Variants in GALNS observed in about 807,000 individuals in gnomAD.
The protein encoded by GALNS is N-acetylgalactosamine-6-sulfatase.
In GALNS, 65 loss-of-function variants were observed where a neutral mutation model predicts 65.9. The observed-to-expected ratio is 0.99, with a 90% confidence interval of 0.81 to 1.21. The LOEUF is 1.21. Among genes scored for constraint, GALNS ranks in the 50% most tolerant of loss-of-function variants. GALNS has a pLI of 0.00. For missense variants in GALNS, 776 were observed against 700.7 expected, an observed-to-expected ratio of 1.11 and a Z score of -1.21; for synonymous variants, 346 against 288.9, an observed-to-expected ratio of 1.20 and a Z score of -2.00.
rs1909825123 is a variant in GALNS, at chr16:88,818,071, T to C, written c.1418A>G (p.Gln473Arg). 1.3e-6 allele frequency: 2 copies of C among 1,575,802 alleles called. No homozygotes were observed. The highest frequency in any genetic ancestry group is 2.3e-5 in the East Asian group (1 of 43,570). Residue 473 changes from glutamine (Q) to arginine (R), a missense_variant, in exon 13 of 14, where the codon CAG (glutamine) becomes CGG (arginine). By Grantham distance (43) the Gln-to-Arg change is conservative. Coordinates refer to ENST00000268695, the MANE Select transcript of GALNS (RefSeq NM_000512.5). ...EALSRITSVV[Q>R]QHQEALVPAQ... ...GGGGACCAAGGCCTCCTGGTGCTGC[T>C]GGACGACCGAGGTGATCCTGCTGAG...
In GALNS at chr16:88,822,643, T is replaced by C; in HGVS notation, c.1310A>G (p.Lys437Arg). Reference sequence around the variant, plus strand: ...TCCCAGGTGGAAGATCAGGGGCAGCTTCGTGTGGTCTTCCAGATTGTGAGT... The same window carrying C: ...TCCCAGGTGGAAGATCAGGGGCAGCCTCGTGTGGTCTTCCAGATTGTGAGT... ...VTTHNLEDHT[K>R]LPLIFHLGRD... is the part of the protein sequence containing the mutation. The change falls in exon 12 of 14, where the codon AAG becomes AGG. Residue 437 changes from lysine to arginine, a missense_variant. By Grantham distance (26) the Lys-to-Arg change is conservative. Coordinates refer to ENST00000268695, the MANE Select transcript of GALNS (RefSeq NM_000512.5). 1 of 1,613,160 alleles carries C rather than the reference T, an allele frequency of 6.2e-7. No homozygotes were observed. The highest frequency in any genetic ancestry group is 1.3e-5 in the African/African-American group (1 of 75,034).
chr16:88,817,095 C>G (rs2142978738), intron 13 of GALNS: 1 of 985,458 alleles, frequency 1.0e-6, no homozygotes, highest in Non-Finnish European at 1.2e-6. Context: ...CCTGCTGGGA[C>G]CCACATCAGC....
At chr16:88,829,975 G>A (rs1343437778) in intron 9 of GALNS, among the ~76,000 whole-genome samples, 1 of 152,188 alleles carries the variant, frequency 6.6e-6, no homozygotes, top group Non-Finnish European at 1.5e-5. Flanking sequence ...GCTCACGCCT[G>A]TAATCCCAAC....
intron 13 of GALNS, chr16:88,817,142 G>T: frequency 1.0e-6 from 1 of 985,478 alleles, no homozygotes; most frequent in South Asian, 4.7e-5. Flanking sequence ...CACTGCACAC[G>T]CGGGATGGCT....
chr16:88,836,353 C>G lies in GALNS; in HGVS notation c.567-86G>C, dbSNP rs767850664. 4.6e-5 allele frequency: 52 copies of G among 1,123,712 alleles called. No homozygotes were observed. In the Middle Eastern group the frequency reaches 7.7e-4, roughly 17 times the overall value. 69.6% of individuals were successfully genotyped at this position (1,123,712 alleles called of 1,614,324 possible). ...CTGATTTCACCAGCAAAGCCATGGG[C>G]TTCATTTAAAAGAAGGCTAGGGCTG... On this transcript the variant is annotated intron_variant, in intron 5 of 13. Coordinates refer to ENST00000268695, the MANE Select transcript of GALNS (RefSeq NM_000512.5).
At chr16:88,837,322 C>T (rs912674573) in intron 5 of GALNS, among the ~76,000 whole-genome samples, 2 of 152,188 alleles carry the variant, frequency 1.3e-5, no homozygotes, top group African/African-American at 2.4e-5. Flanking sequence ...ATGGGCAGTA[C>T]CCTGACAGCT....
intron 13 of GALNS, chr16:88,815,250 A>G (rs1017154200): frequency 2.1e-5 from 21 of 985,288 alleles, no homozygotes; most frequent in African/African-American, 1.7e-4. Context: ...GGTATGGGGG[A>G]TGCAGCTGCC....
rs780974039 is a variant in GALNS at position 88,832,049 on chromosome 16, C to T, written c.951G>A (p.Gly317=). Residue 317 remains glycine (G), a synonymous_variant, in exon 9 of 14, where the codon GGG becomes GGA. Transcript: ENST00000268695. ...ACCATGCGAGGGCAGGCTCCCTCATCCCTCCTTCAAACGTGGTCTGCTTCC... is the reference window on the plus strand; with the variant it reads ...ACCATGCGAGGGCAGGCTCCCTCATTCCTCCTTCAAACGTGGTCTGCTTCC... ...LCGKQTTFEG[G]MREPALAWWP... The T allele has an allele frequency of 4.3e-6, 7 of 1,613,776 alleles. No individual in the cohort carries two copies. In the African/African-American group the frequency reaches 5.3e-5, roughly 12 times the overall value.
intron 8 of GALNS, among the ~76,000 whole-genome samples, chr16:88,833,426 C>CCCTTTCTT (rs1454411632): frequency 7.9e-6 from 1 of 126,676 alleles, no homozygotes; most frequent in African/African-American, 3.1e-5. Context: ...TTCCCTCCCT[C>CCCTTTCTT]CCTTTCTTTC....
chr16:88,838,295 G>A (rs935684909), intron 4 of GALNS, among the ~76,000 whole-genome samples: 1 of 152,152 alleles, frequency 6.6e-6, no homozygotes, highest in Non-Finnish European at 1.5e-5. Context: ...TGGGCGGGGC[G>A]TTGTGTGCCG....
Position 88,826,695 on chromosome 16 carries a change from C to T in GALNS, c.1139+7G>A. On this transcript the variant is annotated splice_region_variant and intron_variant, in intron 10 of 13. Transcript: ENST00000268695. ...GGGGAAGGGGCCGGGGCAGGTCTAG[C>T]ACCAACCTGTCCATCAGCCGGCCCT... 1 of 1,612,206 alleles carries T rather than the reference C, an allele frequency of 6.2e-7. No individual in the cohort carries two copies. Among genetic ancestry groups the T allele is most frequent in the African/African-American group, 1.3e-5 (1 of 75,036 alleles).
At chr16:88,814,959 C>G in intron 13 of GALNS, 1 of 861,812 alleles carries the variant, frequency 1.2e-6, no homozygotes, top group South Asian at 5.4e-5. Context: ...TCTCAAACTT[C>G]TGACCTCAGG....
At chr16:88,829,518 C>G (rs1911268992) in intron 9 of GALNS, among the ~76,000 whole-genome samples, 1 of 152,230 alleles carries the variant, frequency 6.6e-6, no homozygotes, top group South Asian at 2.1e-4. Context: ...AGTCCCATGT[C>G]AGACAAAGGC....
At chr16:88,833,141 G>T (rs967982653) in intron 8 of GALNS, among the ~76,000 whole-genome samples, 4 of 152,076 alleles carry the variant, frequency 2.6e-5, no homozygotes, top group South Asian at 2.1e-4. Context: ...ACCATCCAGG[G>T]GAGGCAAAGT....
chr16:88,842,697 C>G lies in GALNS; in HGVS notation c.244+9G>C. 6.2e-7 allele frequency: 1 copy of G among 1,612,228 alleles called. No individual in the cohort carries two copies. On this transcript the variant is annotated intron_variant, in intron 2 of 13. Transcript: ENST00000268695. ...CCCCTTCCTGGGGGCGAGGGCCCCG[C>G]TGACTTACATGGCGAGCACAGAGGG...
chr16:88,827,285 C>T (rs1278831034), intron 9 of GALNS, among the ~76,000 whole-genome samples: 1 of 152,180 alleles, frequency 6.6e-6, no homozygotes, highest in African/African-American at 2.4e-5. Flanking sequence ...CTCCGAGTGG[C>T]TGGGGTGGGG....
intron 4 of GALNS, chr16:88,838,589 C>T (rs1453704245): frequency 2.6e-5 from 4 of 152,514 alleles, no homozygotes; most frequent in African/African-American, 9.6e-5. Flanking sequence ...ATCCTCCGGC[C>T]CACAGCAGCC....
chr16:88,856,908 A>G lies in GALNS; in HGVS notation c.-31T>C, dbSNP rs1234012961. Reference sequence around the variant, plus strand: ...CCACGGGAGCCGCGGAGCCCCGGCCAGCGAGCCGACCTAGCGAGCGTCCGC... The same window carrying G: ...CCACGGGAGCCGCGGAGCCCCGGCCGGCGAGCCGACCTAGCGAGCGTCCGC... On this transcript the variant is annotated 5_prime_UTR_variant, in exon 1 of 14. Transcript: ENST00000268695. 3.3e-6 allele frequency: 5 copies of G among 1,497,538 alleles called. No individual in the cohort carries two copies. The highest frequency in any genetic ancestry group is 2.5e-5 in the South Asian group (2 of 80,336). 92.8% of individuals were successfully genotyped at this position (1,497,538 alleles called of 1,614,324 possible).
chr16:88,830,241 A>C (rs1486974405), intron 9 of GALNS, among the ~76,000 whole-genome samples: 3 of 149,604 alleles, frequency 2.0e-5, no homozygotes, highest in East Asian at 1.9e-4. Context: ...AAAAAAAAAA[A>C]AAAAAAAAAA....
Sources: gnomAD v4.1 joint callset for allele counts (sites outside exome capture counted in the v4.1 genomes callset) on GRCh38, gnomAD v4.1.1 for gene constraint, MANE v1.5 for transcripts, NCBI Gene and HGNC (gene_info 2026-07-23, HGNC 2026-07-21) for gene names.